FAM184B: variants seen among roughly 807,000 people sequenced by gnomAD.
The protein encoded by FAM184B is family with sequence similarity 184 member B, also known as protein FAM184B.
In FAM184B, 111 loss-of-function variants were observed where a neutral mutation model predicts 135.9. That is an observed-to-expected ratio of 0.82 (90% confidence interval 0.70 to 0.96). FAM184B has a LOEUF of 0.96. Ranked by LOEUF, FAM184B falls within the 40% of genes least tolerant of loss-of-function variation. The pLI is 0.00. For synonymous variants in FAM184B, 552 were observed against 524.8 expected, an observed-to-expected ratio of 1.05 and a Z score of -0.71; for missense variants, 1,375 against 1,323.9, an observed-to-expected ratio of 1.04 and a Z score of -0.60.
intron 10 of FAM184B, among the ~76,000 whole-genome samples, chr4:17,654,084 T>C (rs1310901527): frequency 1.3e-5 from 2 of 152,194 alleles, no homozygotes; most frequent in Admixed American, 6.5e-5. Flanking sequence ...TTCCTTGATT[T>C]TTGGATTTCT....
intron 2 of FAM184B, 73 bp from the exon 3 acceptor site, chr4:17,707,857 C>G: frequency 6.6e-7 from 1 of 1,516,232 alleles, no homozygotes; most frequent in Non-Finnish European, 8.9e-7. Context: ...CACAGAATAG[C>G]CATCAGACCT....
intron 1 of FAM184B, among the ~76,000 whole-genome samples, chr4:17,753,952 A>G (rs1168061404): frequency 6.6e-6 from 1 of 152,204 alleles, no homozygotes; most frequent in Non-Finnish European, 1.5e-5. Context: ...TATGGTAAGT[A>G]CAGTTTACAT....
chr4:17,700,632 C>T (rs2108961983), intron 5 of FAM184B, among the ~76,000 whole-genome samples: 1 of 152,240 alleles, frequency 6.6e-6, no homozygotes, highest in African/African-American at 2.4e-5. Context: ...ACAATACTAT[C>T]AACAAACTTG....
chr4:17,672,208 A>G (rs1458639272), intron 7 of FAM184B, among the ~76,000 whole-genome samples: 1 of 152,190 alleles, frequency 6.6e-6, no homozygotes, highest in Admixed American at 6.5e-5. Context: ...AACATTTTCC[A>G]GCAGAAAACT....
intron 1 of FAM184B, among the ~76,000 whole-genome samples, chr4:17,719,490 G>GA (rs917953735): frequency 6.6e-6 from 1 of 151,958 alleles, no homozygotes; most frequent in Non-Finnish European, 1.5e-5. Context: ...CAAGACCACA[G>GA]AAAAAAAGGG....
intron 10 of FAM184B, among the ~76,000 whole-genome samples, chr4:17,657,433 C>T (rs1378841334): frequency 6.6e-6 from 1 of 152,148 alleles, no homozygotes; most frequent in Non-Finnish European, 1.5e-5. Flanking sequence ...CTTTTATTCC[C>T]TCTCCCTTGG....
At chr4:17,725,842 A>C (rs1285420051) in intron 1 of FAM184B, among the ~76,000 whole-genome samples, 1 of 152,188 alleles carries the variant, frequency 6.6e-6, no homozygotes, top group Non-Finnish European at 1.5e-5. Context: ...CTTCTTGTCC[A>C]GTGAAAATCT....
chr4:17,650,557 A>T (rs1168710135), intron 11 of FAM184B, among the ~76,000 whole-genome samples: 2 of 152,212 alleles, frequency 1.3e-5, no homozygotes, highest in Admixed American at 1.3e-4. Context: ...TGGCAGGGAC[A>T]GCTGCACTGG....
chr4:17,774,992 C>CT (rs71167338), intron 1 of FAM184B, among the ~76,000 whole-genome samples: 16,556 of 82,114 alleles, frequency 0.2, 2,133 homozygotes, highest in Non-Finnish European at 0.23. Context: ...TTTTCCTTTT[C>CT]TTTTTTTTTT....
chr4:17,659,434 T>C (rs1438082662), intron 9 of FAM184B, among the ~76,000 whole-genome samples: 1 of 151,936 alleles, frequency 6.6e-6, no homozygotes, highest in Non-Finnish European at 1.5e-5. Flanking sequence ...TTGTCTGGTT[T>C]GTGCATTGAT....
intron 1 of FAM184B, among the ~76,000 whole-genome samples, chr4:17,718,755 C>G (rs1717452572): frequency 1.3e-5 from 2 of 152,242 alleles, no homozygotes; most frequent in Non-Finnish European, 2.9e-5. Context: ...ACAGAGCAGG[C>G]TGGACCCCAC....
chr4:17,738,893 C>T (rs995687174), intron 1 of FAM184B, among the ~76,000 whole-genome samples: 6 of 152,172 alleles, frequency 3.9e-5, no homozygotes, highest in South Asian at 2.1e-4. Flanking sequence ...TCACTCGTTT[C>T]CTCTCTCGCC....
chr4:17,710,314 A>G (rs1460685077), intron 1 of FAM184B, among the ~76,000 whole-genome samples: 4 of 139,522 alleles, frequency 2.9e-5, no homozygotes, highest in African/African-American at 1.1e-4. Context: ...AAAAAGAGTG[A>G]AACTCCATCA....
intron 7 of FAM184B, among the ~76,000 whole-genome samples, chr4:17,672,789 G>A (rs1424196433): frequency 6.6e-6 from 1 of 152,098 alleles, no homozygotes; most frequent in African/African-American, 2.4e-5. Flanking sequence ...CTAGTATTTT[G>A]TTAAGGATTT....
chr4:17,687,779 C>T (rs1322429632), intron 7 of FAM184B, among the ~76,000 whole-genome samples: 1 of 152,106 alleles, frequency 6.6e-6, no homozygotes, highest in Non-Finnish European at 1.5e-5. Context: ...CGAGGGGAGC[C>T]GCACAGACCA....
At chr4:17,671,221 C>T (rs1014046988) in intron 7 of FAM184B, among the ~76,000 whole-genome samples, 1 of 151,954 alleles carries the variant, frequency 6.6e-6, no homozygotes, top group Non-Finnish European at 1.5e-5. Flanking sequence ...ATGAAGAGAC[C>T]CCCTACACCA....
intron 1 of FAM184B, among the ~76,000 whole-genome samples, chr4:17,713,972 C>T (rs989726853): frequency 1.3e-5 from 2 of 152,176 alleles, no homozygotes; most frequent in African/African-American, 4.8e-5. Flanking sequence ...ACAGAGGAAG[C>T]GGTCTGGGAG....
intron 1 of FAM184B, among the ~76,000 whole-genome samples, chr4:17,740,657 G>C (rs1250000018): frequency 6.6e-6 from 1 of 152,220 alleles, no homozygotes; most frequent in Admixed American, 6.5e-5. Flanking sequence ...AAAAGGAAGA[G>C]TGGCAGTTGC....
intron 14 of FAM184B, among the ~76,000 whole-genome samples, chr4:17,637,822 C>T (rs1366623454): frequency 6.6e-6 from 1 of 152,190 alleles, no homozygotes; most frequent in Non-Finnish European, 1.5e-5. Context: ...CACCCCCTCC[C>T]CCTGTTTCTT....
Sources: gnomAD v4.1 joint callset for allele counts (sites outside exome capture counted in the v4.1 genomes callset) on GRCh38, gnomAD v4.1.1 for gene constraint, MANE v1.5 for transcripts, NCBI Gene and HGNC (gene_info 2026-07-23, HGNC 2026-07-21) for gene names.